Variants in RBFOX1 observed in about 807,000 individuals in gnomAD.
RBFOX1 encodes the protein RNA binding protein fox-1 homolog 1.
A neutral mutation model predicts 57.7 loss-of-function variants in RBFOX1; 8 were observed. The observed-to-expected ratio is 0.14, with a 90% CI of 0.08 to 0.25. The LOEUF is 0.25. Ranked by LOEUF, RBFOX1 falls within the 10% of genes least tolerant of loss-of-function variation. RBFOX1 has a pLI of 1.00. For synonymous variants in RBFOX1, 326 were observed against 222.4 expected (o/e 1.47, Z -4.15); for missense variants, 611 against 548.5 (o/e 1.11, Z -1.14).
chr16:5,440,719 A>G (rs2151537998), intron 1 of RBFOX1, among the ~76,000 whole-genome samples: 1 of 152,290 alleles, frequency 6.6e-6, no homozygotes, highest in Non-Finnish European at 1.5e-5. Context: ...TATATATTTT[A>G]CAAGATTTAG....
intron 3 of RBFOX1, among the ~76,000 whole-genome samples, chr16:6,997,596 C>T: frequency 6.6e-6 from 1 of 152,144 alleles, no homozygotes; most frequent in East Asian, 1.9e-4. Flanking sequence ...AAAAGATAGA[C>T]TGCGTTTTGC....
chr16:6,193,899 C>G (rs1046031615), intron 1 of RBFOX1, among the ~76,000 whole-genome samples: 2 of 152,142 alleles, frequency 1.3e-5, no homozygotes, highest in African/African-American at 4.8e-5. Context: ...GCCTCATCTT[C>G]CTGTGTTCAC....
chr16:7,079,733 G>T (rs1368239874), intron 4 of RBFOX1, among the ~76,000 whole-genome samples: 1 of 152,082 alleles, frequency 6.6e-6, no homozygotes, highest in East Asian at 1.9e-4. Context: ...TTAAGCTCTT[G>T]TCTTGATCTA....
intron 12 of RBFOX1, among the ~76,000 whole-genome samples, chr16:7,658,667 G>C (rs944171197): frequency 2.0e-5 from 3 of 152,164 alleles, no homozygotes; most frequent in African/African-American, 7.2e-5. Context: ...AACTCGATGA[G>C]TACCTATTAG....
intron 4 of RBFOX1, among the ~76,000 whole-genome samples, chr16:7,464,630 C>T (rs968877767): frequency 4.0e-5 from 6 of 151,048 alleles, no homozygotes; most frequent in African/African-American, 1.5e-4. Context: ...ACAATGTCCT[C>T]TCTAGGCTTT....
chr16:5,947,755 G>A lies in RBFOX1; in HGVS notation c.351+80420G>A, dbSNP rs1372847622. 1.3e-5 allele frequency among the ~76,000 whole-genome samples: 2 copies of A among 152,184 alleles called. No individual in the cohort carries two copies. Among genetic ancestry groups the A allele is most frequent in the Admixed American group, 6.5e-5 (1 of 15,276 alleles). On this transcript the variant is annotated intron_variant, in intron 4 of 19. Transcript: ENST00000641259. The surrounding 1 kb of genome is among the most constrained non-coding windows in gnomAD (Gnocchi z 7.2). ...TGTCCAGGAACATTCTTAAGGGGGT[G>A]TCTCCACCTAACAGTGCAAGGATAC...
intron 4 of RBFOX1, among the ~76,000 whole-genome samples, chr16:7,418,339 G>A (rs1158122429): frequency 6.6e-6 from 1 of 152,192 alleles, no homozygotes; most frequent in East Asian, 1.9e-4. Context: ...AATTTTCACA[G>A]GGCAAAGCAT....
At chr16:5,240,069 G>A in exon 1 of RBFOX1, 2 of 1,531,976 alleles carry the variant, frequency 1.3e-6, no homozygotes, top group Non-Finnish European at 1.7e-6. Flanking sequence ...CGGGCAGGGA[G>A]GAGACCGGCA....
At chr16:6,068,508 G>C (rs1226204184) in intron 1 of RBFOX1, among the ~76,000 whole-genome samples, 2 of 152,112 alleles carry the variant, frequency 1.3e-5, no homozygotes, top group African/African-American at 4.8e-5. Context: ...GGTTAAACAA[G>C]TTTTATTGGG....
At chr16:6,260,879 T>C (rs960806211) in intron 1 of RBFOX1, among the ~76,000 whole-genome samples, 2 of 151,378 alleles carry the variant, frequency 1.3e-5, no homozygotes, top group African/African-American at 4.9e-5. Context: ...AGACCCTGTC[T>C]CAAAAAAAAG....
chr16:6,743,702 C>T (rs961682573), intron 3 of RBFOX1, among the ~76,000 whole-genome samples: 3 of 151,924 alleles, frequency 2.0e-5, no homozygotes, highest in East Asian at 1.9e-4. Flanking sequence ...GTCATCACAC[C>T]ACTGTATTCC....
intron 4 of RBFOX1, among the ~76,000 whole-genome samples, chr16:5,889,482 T>G (rs1197752274): frequency 6.6e-6 from 1 of 152,192 alleles, no homozygotes; most frequent in Non-Finnish European, 1.5e-5. Flanking sequence ...GGCATTTGGG[T>G]TGATTTCATG....
chr16:6,699,193 A>G (rs567635665), intron 3 of RBFOX1, among the ~76,000 whole-genome samples: 2 of 152,182 alleles, frequency 1.3e-5, no homozygotes, highest in African/African-American at 2.4e-5. Context: ...TTTTATCAGT[A>G]TGCAAGGCAG....
At chr16:6,472,941 A>T (rs997980991) in intron 2 of RBFOX1, among the ~76,000 whole-genome samples, 7 of 151,880 alleles carry the variant, frequency 4.6e-5, no homozygotes, top group African/African-American at 1.7e-4. Flanking sequence ...CTTATTTAGG[A>T]CCCTCAAGGA....
rs373105750 is a variant in RBFOX1 at position 7,664,984 on chromosome 16, C to A, written c.930+16C>A. The A allele has an allele frequency of 1.9e-6, 3 of 1,613,912 alleles. No individual in the cohort carries two copies. The highest frequency in any genetic ancestry group is 1.7e-5 in the Admixed American group (1 of 60,014). Reference sequence around the variant, plus strand: ...AGACATTTATGTAAGTATTCATTCACGTGCATGCCATCCCCGTTTCCTCCT... The same window carrying A: ...AGACATTTATGTAAGTATTCATTCAAGTGCATGCCATCCCCGTTTCCTCCT... On this transcript the variant is annotated intron_variant, in intron 13 of 15. Coordinates refer to ENST00000550418, the MANE Select transcript of RBFOX1 (RefSeq NM_018723.4).
intron 1 of RBFOX1, among the ~76,000 whole-genome samples, chr16:5,249,036 G>T (rs1255236879): frequency 6.8e-6 from 1 of 146,322 alleles, no homozygotes; most frequent in Non-Finnish European, 1.5e-5. Flanking sequence ...GGAGGGAAGA[G>T]AAGGGGGCTG....
chr16:5,430,830 G>C (rs1287746329), intron 1 of RBFOX1, among the ~76,000 whole-genome samples: 1 of 152,216 alleles, frequency 6.6e-6, no homozygotes, highest in East Asian at 1.9e-4. Context: ...GAAACATACA[G>C]ATACAACAGC....
At chr16:7,046,585 G>T (rs10163467) in intron 3 of RBFOX1, among the ~76,000 whole-genome samples, 17,707 of 142,086 alleles carry the variant, frequency 0.12, 1,862 homozygotes, top group East Asian at 0.29. Context: ...CTTTGTTTCT[G>T]TAGTCTTTGT....
At chr16:7,163,573 C>T (rs2078834892) in intron 4 of RBFOX1, among the ~76,000 whole-genome samples, 1 of 152,108 alleles carries the variant, frequency 6.6e-6, no homozygotes, top group Non-Finnish European at 1.5e-5. Context: ...TCAATAAGCT[C>T]TTTCATCATC....
Sources: gnomAD v4.1 joint callset for allele counts (sites outside exome capture counted in the v4.1 genomes callset) on GRCh38, gnomAD v4.1.1 for gene constraint, Gnocchi (gnomAD v3.1) non-coding constraint, MANE v1.5 for transcripts, NCBI Gene and HGNC (gene_info 2026-07-23, HGNC 2026-07-21) for gene names.